Variants in FRMD6 observed in about 807,000 individuals in gnomAD.
The protein encoded by FRMD6 is FERM domain-containing protein 6.
Under a neutral mutation model 73.2 loss-of-function variants are expected in FRMD6, and 37 were observed. The ratio of observed to expected loss-of-function variants is 0.51; its 90% CI spans 0.39 to 0.66. The LOEUF is 0.66. Among genes scored for constraint, FRMD6 ranks in the 30% least tolerant of loss-of-function variants. The probability of loss-of-function intolerance (pLI) is 0.00; values close to 1 mark genes in which losing one functional copy is unlikely to be tolerated. For synonymous variants in FRMD6, 273 were observed against 282.2 expected, an observed-to-expected ratio of 0.97 and a Z score of 0.33; for missense variants, 714 against 780.5, an observed-to-expected ratio of 0.91 and a Z score of 1.02.
At chr14:51,418,843 C>T in the FRMD6 span, among the ~76,000 whole-genome samples, 4 of 152,240 alleles carry the variant, frequency 2.6e-5, no homozygotes, top group Admixed American at 6.5e-5. Flanking sequence ...CCAGTTTGAG[C>T]TTCCATGGCC....
At chr14:51,492,263 TAG>T (rs889474995) in intron 1 of FRMD6, among the ~76,000 whole-genome samples, 1 of 152,200 alleles carries the variant, frequency 6.6e-6, no homozygotes, top group Non-Finnish European at 1.5e-5. Flanking sequence ...TACTCTCAGG[TAG>T]AGTTTGGGAA....
chr14:51,585,682 G>A (rs939639989), intron 2 of FRMD6, among the ~76,000 whole-genome samples: 15 of 151,474 alleles, frequency 9.9e-5, no homozygotes, highest in Admixed American at 9.9e-4. Context: ...TATAAAGTAG[G>A]TAATTTTTAA....
intron 1 of FRMD6, among the ~76,000 whole-genome samples, chr14:51,554,187 T>C (rs1422003916): frequency 2.0e-5 from 3 of 152,046 alleles, no homozygotes; most frequent in Non-Finnish European, 4.4e-5. Context: ...CTGGAACAAT[T>C]TGACAAATAA....
chr14:51,432,308 G>T, the FRMD6 span, among the ~76,000 whole-genome samples: 7 of 152,254 alleles, frequency 4.6e-5, no homozygotes, highest in East Asian at 1.4e-3. Context: ...GGCTCCCCTG[G>T]CAGTACTTGT....
chr14:51,513,763 C>G lies in FRMD6; in HGVS notation c.-210+24343C>G, dbSNP rs561198344. On this transcript the variant is annotated intron_variant, in intron 1 of 14. Transcript: ENST00000356218. ...GAAGCCTCTCTGAAATTCCATGTCT[C>G]CCTGTATCCATCCCATGCCTTCCTT... Among the ~76,000 whole-genome samples the G allele has an allele frequency of 9.6e-3, 1,467 of 152,240 alleles. 30 individuals are homozygous for G. Among genetic ancestry groups the G allele is most frequent in the African/African-American group, 0.034 (1,397 of 41,536 alleles).
chr14:51,687,950 A>G (rs1383830067), intron 1 of FRMD6, among the ~76,000 whole-genome samples: 1 of 152,154 alleles, frequency 6.6e-6, no homozygotes, highest in East Asian at 1.9e-4. Flanking sequence ...ATCTGTTGCT[A>G]CACATCAGAA....
chr14:51,685,460 T>C (rs986595787), intron 1 of FRMD6, among the ~76,000 whole-genome samples: 3 of 152,302 alleles, frequency 2.0e-5, no homozygotes, highest in African/African-American at 7.2e-5. Flanking sequence ...TTTTTGTTAG[T>C]GCTGTTAGTG....
At chr14:51,510,602 T>C (rs1366845388) in intron 1 of FRMD6, among the ~76,000 whole-genome samples, 3 of 152,208 alleles carry the variant, frequency 2.0e-5, no homozygotes, top group Non-Finnish European at 4.4e-5. Flanking sequence ...TTATCACTGG[T>C]GTACCACAAG....
chr14:51,608,112 T>C (rs1566499959), intron 2 of FRMD6, among the ~76,000 whole-genome samples: 1 of 152,164 alleles, frequency 6.6e-6, no homozygotes, highest in African/African-American at 2.4e-5. Flanking sequence ...GAGACTGCGG[T>C]GATTTGGGAG....
At chr14:51,704,605 C>T in intron 5 of FRMD6, 144 bp from the exon 6 acceptor site, 1 of 653,490 alleles carries the variant, frequency 1.5e-6, no homozygotes, top group South Asian at 2.2e-5. Context: ...TTAGCTACAA[C>T]CGCTTCCTTT....
At chr14:51,674,000 G>A (rs1001053985) in intron 1 of FRMD6, among the ~76,000 whole-genome samples, 22 of 152,120 alleles carry the variant, frequency 1.4e-4, no homozygotes, top group African/African-American at 5.3e-4. Context: ...GAAACATCAC[G>A]ACTTTTACTC....
intron 1 of FRMD6, among the ~76,000 whole-genome samples, chr14:51,528,450 G>A (rs1885386303): frequency 6.6e-6 from 1 of 152,102 alleles, no homozygotes; most frequent in Non-Finnish European, 1.5e-5. Flanking sequence ...TATAAGATGA[G>A]GAACTTTAGC....
intron 2 of FRMD6, among the ~76,000 whole-genome samples, chr14:51,621,073 A>G (rs559263612): frequency 1.2e-3 from 187 of 152,190 alleles, no homozygotes; most frequent in Non-Finnish European, 2.4e-3. Flanking sequence ...TACCTTAAAC[A>G]CAGAGTGGCA....
At chr14:51,509,326 A>T (rs1884154312) in intron 1 of FRMD6, among the ~76,000 whole-genome samples, 1 of 152,130 alleles carries the variant, frequency 6.6e-6, no homozygotes, top group Non-Finnish European at 1.5e-5. Flanking sequence ...GATCGAGACC[A>T]TCCTGCCTAA....
At chr14:51,474,799 A>G in the FRMD6 span, among the ~76,000 whole-genome samples, 1 of 152,212 alleles carries the variant, frequency 6.6e-6, no homozygotes, top group South Asian at 2.1e-4. Context: ...AAAATGATAC[A>G]GAATGTTTTG....
the FRMD6 span, among the ~76,000 whole-genome samples, chr14:51,472,441 C>T: frequency 6.6e-6 from 1 of 152,102 alleles, no homozygotes; most frequent in Non-Finnish European, 1.5e-5. Context: ...GTGGCTGGGA[C>T]TACAGGCACC....
At chr14:51,644,650 T>C (rs1891983746) in intron 2 of FRMD6, among the ~76,000 whole-genome samples, 1 of 152,216 alleles carries the variant, frequency 6.6e-6, no homozygotes. Context: ...TAAGTCTGTA[T>C]TGTACATAAA....
the FRMD6 span, among the ~76,000 whole-genome samples, chr14:51,408,960 T>C: frequency 6.6e-6 from 1 of 152,310 alleles, no homozygotes; most frequent in East Asian, 1.9e-4. Flanking sequence ...ACCTTGAGGA[T>C]TTTTGGATAT....
At chr14:51,643,692 C>T (rs1891917047) in intron 2 of FRMD6, 1 of 152,194 alleles carries the variant, frequency 6.6e-6, no homozygotes, top group Admixed American at 6.5e-5. Context: ...ATGTGGTGGA[C>T]AGAGTAGTTT....
Sources: gnomAD v4.1 joint callset for allele counts (sites outside exome capture counted in the v4.1 genomes callset) on GRCh38, gnomAD v4.1.1 for gene constraint, MANE v1.5 for transcripts, NCBI Gene and HGNC (gene_info 2026-07-23, HGNC 2026-07-21) for gene names.